Variants in FANCC observed in about 807,000 individuals in gnomAD.
The protein encoded by FANCC is Fanconi anemia group C protein.
A neutral mutation model predicts 71.3 loss-of-function variants in FANCC; 55 were observed. The observed-to-expected ratio is 0.77, with a 90% CI of 0.62 to 0.97. The LOEUF is 0.97. Ranked by LOEUF, FANCC falls within the 50% of genes least tolerant of loss-of-function variation. FANCC has a pLI of 0.00. For missense variants in FANCC, 678 were observed against 670.9 expected, an observed-to-expected ratio of 1.01 and a Z score of -0.12; for synonymous variants, 275 against 244.9, an observed-to-expected ratio of 1.12 and a Z score of -1.15.
chr9:95,214,314 C>T (rs1828710343), intron 4 of FANCC, among the ~76,000 whole-genome samples: 1 of 152,062 alleles, frequency 6.6e-6, no homozygotes, highest in African/African-American at 2.4e-5. Context: ...TGCCTGTAGT[C>T]CCAGCTACTG....
chr9:95,272,418 T>C (rs951484440), intron 1 of FANCC, among the ~76,000 whole-genome samples: 2 of 152,182 alleles, frequency 1.3e-5, no homozygotes, highest in Admixed American at 1.3e-4. Context: ...TCATAACTTT[T>C]ACCACTAAAA....
intron 6 of FANCC, among the ~76,000 whole-genome samples, chr9:95,155,228 C>T (rs904139634): frequency 2.9e-5 from 2 of 68,854 alleles, no homozygotes; most frequent in Non-Finnish European, 5.8e-5. Context: ...AAAGAGAGAG[C>T]GAGAGAAAAG....
At chr9:95,161,103 G>T (rs942447204) in intron 6 of FANCC, among the ~76,000 whole-genome samples, 2 of 152,178 alleles carry the variant, frequency 1.3e-5, no homozygotes, top group African/African-American at 4.8e-5. Context: ...CTAAAAGCTT[G>T]CCAAGAGAGG....
At chr9:95,124,486 G>A (rs561794326) in intron 10 of FANCC, among the ~76,000 whole-genome samples, 1 of 152,324 alleles carries the variant, frequency 6.6e-6, no homozygotes, top group East Asian at 1.9e-4. Flanking sequence ...ATCTTCTGCA[G>A]GGTGCGGGCC....
intron 5 of FANCC, 111 bp from the exon 6 acceptor site, chr9:95,171,254 T>C: frequency 1.3e-6 from 1 of 786,016 alleles, no homozygotes; most frequent in Non-Finnish European, 2.2e-6. Context: ...AACCCCCATC[T>C]TCTCATGTTT....
At chr9:95,229,476 T>C (rs1251729340) in intron 4 of FANCC, among the ~76,000 whole-genome samples, 2 of 152,072 alleles carry the variant, frequency 1.3e-5, no homozygotes, top group Admixed American at 6.6e-5. Flanking sequence ...ACTGGATGGA[T>C]TGATAGACTT....
chr9:95,226,201 T>C (rs940665819), intron 4 of FANCC, among the ~76,000 whole-genome samples: 4 of 152,244 alleles, frequency 2.6e-5, no homozygotes, highest in Admixed American at 2.6e-4. Flanking sequence ...CCACCAATTC[T>C]GCTACCCTAA....
At chr9:95,225,638 A>G (rs965209685) in intron 4 of FANCC, among the ~76,000 whole-genome samples, 1 of 152,246 alleles carries the variant, frequency 6.6e-6, no homozygotes, top group East Asian at 1.9e-4. Flanking sequence ...TCCTGTTCCT[A>G]ATTGGCAATA....
intron 1 of FANCC, among the ~76,000 whole-genome samples, chr9:95,257,007 C>T (rs1011642706): frequency 3.9e-5 from 6 of 152,062 alleles, no homozygotes; most frequent in African/African-American, 1.4e-4. Context: ...ATATATGCAC[C>T]CAATACAGGA....
intron 4 of FANCC, among the ~76,000 whole-genome samples, chr9:95,221,671 T>C (rs962834536): frequency 1.3e-5 from 2 of 152,194 alleles, no homozygotes; most frequent in East Asian, 1.9e-4. Flanking sequence ...AGGGTAGTCT[T>C]ACACACCTTA....
intron 1 of FANCC, among the ~76,000 whole-genome samples, chr9:95,295,473 G>C (rs1353935157): frequency 6.6e-6 from 1 of 152,112 alleles, no homozygotes; most frequent in Non-Finnish European, 1.5e-5. Flanking sequence ...CAAACAAATG[G>C]CTAGCAGTTA....
chr9:95,111,056 C>T lies in FANCC; in HGVS notation c.1329+407G>A, dbSNP rs992329719. 40 of 1,476,384 alleles carry T rather than the reference C, an allele frequency of 2.7e-5. No homozygotes were observed. In the African/African-American group the frequency reaches 3.4e-4, roughly 12 times the overall value. The allele number at this position is 1,476,384 out of a possible 1,614,324, so 91.5% of individuals were successfully genotyped here. On this transcript the variant is annotated intron_variant, in intron 13 of 14. Transcript: ENST00000289081. ...AGTCAAGATGGAAGCAAGCCCTGGC[C>T]GGGCTGCTGGGGAGCGAGACAGGGC...
chr9:95,224,396 G>A (rs998515825), intron 4 of FANCC, among the ~76,000 whole-genome samples: 11 of 151,990 alleles, frequency 7.2e-5, no homozygotes, highest in Admixed American at 2.6e-4. Context: ...CTATAAACAC[G>A]GTGACAATAT....
chr9:95,245,357 C>T (rs929672933), intron 3 of FANCC, among the ~76,000 whole-genome samples: 1 of 151,908 alleles, frequency 6.6e-6, no homozygotes, highest in Non-Finnish European at 1.5e-5. Flanking sequence ...TACAATAGTC[C>T]CTCTTTATCA....
intron 3 of FANCC, among the ~76,000 whole-genome samples, 190 bp downstream of exon 3, chr9:95,247,242 T>C (rs1313098635): frequency 6.6e-6 from 1 of 151,908 alleles, no homozygotes; most frequent in Non-Finnish European, 1.5e-5. Context: ...TGTGTTTATC[T>C]ATACAAACCT....
intron 7 of FANCC, among the ~76,000 whole-genome samples, chr9:95,143,101 T>C (rs1328831567): frequency 6.6e-6 from 1 of 152,230 alleles, no homozygotes; most frequent in African/African-American, 2.4e-5. Flanking sequence ...GATAATTTGC[T>C]AGAATGGCTC....
chr9:95,274,389 G>T (rs1209336589), intron 1 of FANCC, among the ~76,000 whole-genome samples: 1 of 152,178 alleles, frequency 6.6e-6, no homozygotes, highest in African/African-American at 2.4e-5. Flanking sequence ...ATTCCATGGT[G>T]TATATGTGCC....
intron 1 of FANCC, chr9:95,292,855 A>G (rs769426302): frequency 2.5e-6 from 4 of 1,585,150 alleles, no homozygotes; most frequent in African/African-American, 2.7e-5. Flanking sequence ...AGCAATTCGT[A>G]CGGTACAGAA....
intron 4 of FANCC, among the ~76,000 whole-genome samples, chr9:95,211,182 A>G (rs550207245): frequency 6.6e-6 from 1 of 152,360 alleles, no homozygotes; most frequent in East Asian, 1.9e-4. Context: ...GGGAATCCCT[A>G]TGATTGGCCT....
Sources: gnomAD v4.1 joint callset for allele counts (sites outside exome capture counted in the v4.1 genomes callset) on GRCh38, gnomAD v4.1.1 for gene constraint, MANE v1.5 for transcripts, NCBI Gene and HGNC (gene_info 2026-07-23, HGNC 2026-07-21) for gene names.